The following PDE4D variants were observed in gnomAD, a reference collection of about 807,000 sequenced individuals.
PDE4D encodes the protein phosphodiesterase 4D, also known as 3',5'-cyclic-AMP phosphodiesterase 4D.
A neutral mutation model predicts 87.4 loss-of-function variants in PDE4D; 24 were observed. The ratio of observed to expected loss-of-function variants is 0.27; its 90% confidence interval spans 0.20 to 0.39. The LOEUF is 0.39. Ranked by LOEUF, PDE4D falls within the 10% of genes least tolerant of loss-of-function variation. The pLI is 1.00. For missense variants in PDE4D, 714 were observed against 1,041.0 expected, an observed-to-expected ratio of 0.69 and a Z score of 4.32; for synonymous variants, 384 against 383.2, an observed-to-expected ratio of 1.00 and a Z score of -0.02.
chr5:59,022,618 G>C (rs2409613), intron 6 of PDE4D, among the ~76,000 whole-genome samples: 2,904 of 152,154 alleles, frequency 0.019, 83 homozygotes, highest in African/African-American at 0.055. Flanking sequence ...CAGATTCTCA[G>C]ATCTGCTTTA....
chr5:60,421,436 C>A (rs1248548132), intron 1 of PDE4D, among the ~76,000 whole-genome samples: 1 of 152,206 alleles, frequency 6.6e-6, no homozygotes. Context: ...TCCAACAGAC[C>A]TGCAGCTGAG....
At chr5:59,204,213 T>G (rs1272661532) in intron 2 of PDE4D, among the ~76,000 whole-genome samples, 2 of 152,136 alleles carry the variant, frequency 1.3e-5, no homozygotes, top group East Asian at 3.9e-4. Flanking sequence ...AAAAAAATCT[T>G]TCAACCAAAA....
chr5:60,305,254 C>T (rs954337798), intron 1 of PDE4D, among the ~76,000 whole-genome samples: 2 of 151,862 alleles, frequency 1.3e-5, no homozygotes, highest in African/African-American at 4.8e-5. Flanking sequence ...GTAGGTTAAA[C>T]AAGGCAATGG....
chr5:59,783,793 A>G (rs1764861591), intron 1 of PDE4D, among the ~76,000 whole-genome samples: 1 of 152,200 alleles, frequency 6.6e-6, no homozygotes, highest in African/African-American at 2.4e-5. Flanking sequence ...TTGGCCAGGC[A>G]TGGTGGCTCA....
At chr5:59,758,296 A>C (rs150779618) in intron 1 of PDE4D, among the ~76,000 whole-genome samples, 1 of 152,324 alleles carries the variant, frequency 6.6e-6, no homozygotes, top group Admixed American at 6.5e-5. Flanking sequence ...GTTAATGTAC[A>C]CAAAGTACCT....
intron 1 of PDE4D, among the ~76,000 whole-genome samples, chr5:60,300,658 T>A (rs1370966639): frequency 6.6e-6 from 1 of 152,224 alleles, no homozygotes; most frequent in East Asian, 1.9e-4. Flanking sequence ...AAGTATGGAA[T>A]GCTTTCCCCA....
chr5:59,484,813 A>G (rs764992001), intron 1 of PDE4D, among the ~76,000 whole-genome samples: 5 of 152,152 alleles, frequency 3.3e-5, no homozygotes, highest in Non-Finnish European at 7.4e-5. Context: ...CCATTTAGTC[A>G]TTTGTTTCAC....
At chr5:59,107,004 G>A (rs1235182598) in intron 5 of PDE4D, among the ~76,000 whole-genome samples, 4 of 152,096 alleles carry the variant, frequency 2.6e-5, no homozygotes, top group African/African-American at 7.2e-5. Context: ...ATTTAGAGCT[G>A]TCATTTAAAA....
intron 1 of PDE4D, among the ~76,000 whole-genome samples, chr5:59,653,862 A>G (rs1397596111): frequency 1.4e-5 from 2 of 143,778 alleles, no homozygotes; most frequent in Non-Finnish European, 3.1e-5. Flanking sequence ...GGAAAGAAGA[A>G]GAAGGGAAGA....
intron 1 of PDE4D, among the ~76,000 whole-genome samples, chr5:59,684,214 G>C (rs1749491400): frequency 1.3e-5 from 2 of 152,026 alleles, no homozygotes; most frequent in South Asian, 4.1e-4. Flanking sequence ...TTTCCCAAAA[G>C]GTTATTCTTC....
chr5:60,223,221 T>C (rs1033412880), intron 1 of PDE4D, among the ~76,000 whole-genome samples: 1 of 152,062 alleles, frequency 6.6e-6, no homozygotes, highest in African/African-American at 2.4e-5. Context: ...ATCTGATCTC[T>C]GAGGAGATCC....
At chr5:59,240,795 C>A (rs1824157) in intron 1 of PDE4D, among the ~76,000 whole-genome samples, 47,780 of 123,678 alleles carry the variant, frequency 0.39, 7,971 homozygotes, top group Admixed American at 0.47. Context: ...CACACACACA[C>A]ACACACACAC....
chr5:60,060,879 C>T (rs756115022), intron 2 of PDE4D, among the ~76,000 whole-genome samples: 1 of 152,018 alleles, frequency 6.6e-6, no homozygotes, highest in Non-Finnish European at 1.5e-5. Flanking sequence ...AAAAATTCAA[C>T]ATCCTTTCAT....
chr5:59,630,761 G>T (rs1230711962), intron 1 of PDE4D, among the ~76,000 whole-genome samples: 1 of 152,098 alleles, frequency 6.6e-6, no homozygotes, highest in Non-Finnish European at 1.5e-5. Flanking sequence ...AAGTCCAACT[G>T]CTGCCTACAC....
At chr5:59,601,661 C>A (rs942360045) in intron 1 of PDE4D, among the ~76,000 whole-genome samples, 59 of 152,018 alleles carry the variant, frequency 3.9e-4, no homozygotes, top group African/African-American at 1.4e-3. Flanking sequence ...CTGCCCATCC[C>A]AAATCAATCC....
chr5:59,792,057 G>T (rs565915062), intron 1 of PDE4D, among the ~76,000 whole-genome samples: 1 of 152,310 alleles, frequency 6.6e-6, no homozygotes, highest in East Asian at 1.9e-4. Flanking sequence ...CCTTAAACAA[G>T]CAAATGGTGA....
intron 1 of PDE4D, among the ~76,000 whole-genome samples, chr5:60,497,472 G>A (rs547595725): frequency 4.6e-5 from 7 of 151,858 alleles, no homozygotes; most frequent in East Asian, 1.9e-4. Context: ...GTGTGAACAC[G>A]GTTCACTGCA....
intron 5 of PDE4D, among the ~76,000 whole-genome samples, chr5:59,078,876 C>A (rs1024062742): frequency 1.3e-5 from 2 of 152,086 alleles, no homozygotes; most frequent in African/African-American, 2.4e-5. Context: ...AAGGGTTAAT[C>A]CTGTTATCAC....
At chr5:60,084,517 TACCACTTCCC>T (rs1449132733) in intron 2 of PDE4D, among the ~76,000 whole-genome samples, 3 of 151,942 alleles carry the variant, frequency 2.0e-5, no homozygotes, top group Non-Finnish European at 4.4e-5. Context: ...AATCTGCATA[TACCACTTCCC>T]CTCCAAAATT....
Sources: gnomAD v4.1 joint callset for allele counts (sites outside exome capture counted in the v4.1 genomes callset) on GRCh38, gnomAD v4.1.1 for gene constraint, MANE v1.5 for transcripts, NCBI Gene and HGNC (gene_info 2026-07-23, HGNC 2026-07-21) for gene names.